The following TRIM37 variants were observed in gnomAD, a reference collection of about 807,000 sequenced individuals.
TRIM37 encodes E3 ubiquitin-protein ligase TRIM37.
TRIM37 carries 80 observed loss-of-function variants against 129.8 expected under a neutral mutation model. The observed-to-expected ratio is 0.62, with a 90% CI of 0.51 to 0.74. The LOEUF (loss-of-function observed/expected upper bound fraction) is 0.74, where lower values mean the gene tolerates loss of function less well. TRIM37 is among the 30% of genes least tolerant of loss of function. The probability of loss-of-function intolerance (pLI) is 0.00; values close to 1 mark genes in which losing one functional copy is unlikely to be tolerated. For synonymous variants in TRIM37, 389 were observed against 387.1 expected, an observed-to-expected ratio of 1.00 and a Z score of -0.06; for missense variants, 1,054 against 1,176.5, an observed-to-expected ratio of 0.90 and a Z score of 1.52.
intron 21 of TRIM37, among the ~76,000 whole-genome samples, chr17:59,013,813 C>T (rs1297749388): frequency 6.6e-6 from 1 of 152,058 alleles, no homozygotes; most frequent in African/African-American, 2.4e-5. Flanking sequence ...CAGGTGTGTG[C>T]CACTGTGCCC....
In TRIM37 at chr17:59,021,817, T is replaced by A. The variant is rs560109686; in HGVS notation, c.2258-4393A>T. Among the ~76,000 whole-genome samples, 9 of 152,128 alleles carry A rather than the reference T, an allele frequency of 5.9e-5. No homozygotes were observed. The East Asian group carries it at 1.7e-3, about 29-fold the overall frequency. ...GATAAATGCTTGAGATGATGGATAC[T>A]CCATTTACCCTGATGTGATTATTAT... On this transcript the variant is annotated intron_variant, in intron 19 of 23. Coordinates refer to ENST00000262294, the MANE Select transcript of TRIM37 (RefSeq NM_015294.6).
intron 4 of TRIM37, 104 bp downstream of exon 4, chr17:59,088,187 A>G (rs746303605): frequency 1.4e-6 from 1 of 734,166 alleles, no homozygotes; most frequent in Non-Finnish European, 2.5e-6. Flanking sequence ...GAAATATAAC[A>G]CTACTTATTC....
intron 2 of TRIM37, among the ~76,000 whole-genome samples, chr17:59,095,723 G>C (rs1020721185): frequency 6.6e-6 from 1 of 151,984 alleles, no homozygotes; most frequent in Non-Finnish European, 1.5e-5. Flanking sequence ...ACTTTCTGGG[G>C]TTGTTTTTGT....
chr17:58,980,567 CTTA>C (rs776250946), downstream of TRIM37: 138 of 1,614,180 alleles, frequency 8.5e-5, no homozygotes, highest in Non-Finnish European at 1.1e-4. This position sits in a 1 kb window ranked among gnomAD's most constrained non-coding sequence, Gnocchi z 4.7. Context: ...GAAAGCAAAT[CTTA>C]TTAATGAGTT....
chr17:59,017,234 A>T (rs1187964171), intron 20 of TRIM37, 62 bp downstream of exon 20: 7 of 1,590,710 alleles, frequency 4.4e-6, no homozygotes, highest in Non-Finnish European at 6.0e-6. Context: ...CCACGATAAC[A>T]TCAATTTCAG....
intron 22 of TRIM37, 21 bp downstream of exon 22, chr17:59,012,307 T>A: frequency 6.5e-7 from 1 of 1,532,538 alleles, no homozygotes. Context: ...CCTGCTTACT[T>A]ATAAGTTTAT....
intron 17 of TRIM37, 117 bp from the exon 18 acceptor site, chr17:59,032,207 T>A: frequency 2.6e-6 from 3 of 1,137,018 alleles, no homozygotes; most frequent in Non-Finnish European, 2.6e-6. Flanking sequence ...CTCTTAGGAG[T>A]TCAGGTTCAT....
chr17:59,068,092 T>C (rs1453358655), intron 9 of TRIM37, among the ~76,000 whole-genome samples: 2 of 152,158 alleles, frequency 1.3e-5, no homozygotes, highest in Non-Finnish European at 2.9e-5. Context: ...TTGCAACTAA[T>C]AAAACAGGTT....
At chr17:59,055,661 G>C (rs1368790352) in intron 13 of TRIM37, among the ~76,000 whole-genome samples, 1 of 147,988 alleles carries the variant, frequency 6.8e-6, no homozygotes, top group Non-Finnish European at 1.5e-5. Context: ...TGTCGCCTCT[G>C]GGCGACAGAG....
chr17:59,080,651 C>T (rs1375963110), intron 6 of TRIM37, among the ~76,000 whole-genome samples: 4 of 151,926 alleles, frequency 2.6e-5, no homozygotes, highest in Non-Finnish European at 5.9e-5. Context: ...ATTAGCTGGG[C>T]GTGGTGGTGG....
chr17:58,977,709 C>A (rs1259386206), downstream of TRIM37, among the ~76,000 whole-genome samples: 2 of 152,068 alleles, frequency 1.3e-5, no homozygotes, highest in African/African-American at 4.8e-5. Flanking sequence ...AGCTTTCTAG[C>A]CTATTTGAGG....
chr17:58,970,166 G>A, the TRIM37 span, among the ~76,000 whole-genome samples: 1 of 152,196 alleles, frequency 6.6e-6, no homozygotes, highest in Non-Finnish European at 1.5e-5. Context: ...GCAGTGTTTT[G>A]CTGTGTATCT....
intron 10 of TRIM37, 51 bp from the exon 11 acceptor site, chr17:59,062,699 T>C (rs182024655): frequency 4.0e-6 from 6 of 1,494,322 alleles, no homozygotes; most frequent in Non-Finnish European, 5.6e-6. Context: ...TGTTGTGAAA[T>C]GGCAACAGGC....
intron 24 of TRIM37, among the ~76,000 whole-genome samples, chr17:58,986,454 C>T (rs943484943): frequency 6.6e-6 from 1 of 150,852 alleles, no homozygotes; most frequent in African/African-American, 2.4e-5. Context: ...CCTCCCACCT[C>T]GGCCTCCCTA....
intron 19 of TRIM37, among the ~76,000 whole-genome samples, chr17:59,023,728 A>C (rs992057006): frequency 6.6e-6 from 1 of 152,154 alleles, no homozygotes; most frequent in Admixed American, 6.5e-5. Flanking sequence ...TGAGAAAAAA[A>C]CTAAAGGAAT....
intron 7 of TRIM37, among the ~76,000 whole-genome samples, chr17:59,078,409 T>G (rs942579796): frequency 2.0e-5 from 3 of 152,130 alleles, no homozygotes; most frequent in African/African-American, 7.2e-5. Flanking sequence ...ATTAATAAAC[T>G]TAAGAGATCT....
Position 59,081,157 on chromosome 17 carries a change from A to G in TRIM37, c.432T>C (p.Asn144=), listed in dbSNP as rs1470896066. 1 of 1,613,942 alleles carries G rather than the reference A, an allele frequency of 6.2e-7. No individual in the cohort carries two copies. Among genetic ancestry groups the G allele is most frequent in the Non-Finnish European group, 8.5e-7 (1 of 1,179,892 alleles). The change falls in exon 6 of 24, where the codon AAT becomes AAC. Residue 144 remains asparagine, a synonymous_variant. Transcript: ENST00000262294. The part of the protein sequence containing the change: ...EIYEQHVTKV[N]EEVAKLRRRL... ...GCCGACGAAGTTTGGCTACCTCTTC[A>G]TTCACTTTAGTGACGTGTTGCTCAT...
At chr17:59,071,564 C>T (rs1027821756) in intron 8 of TRIM37, among the ~76,000 whole-genome samples, 4 of 152,056 alleles carry the variant, frequency 2.6e-5, no homozygotes, top group Non-Finnish European at 4.4e-5. Flanking sequence ...GGATTACATG[C>T]GTGAGCCACC....
intron 22 of TRIM37, among the ~76,000 whole-genome samples, chr17:59,005,033 C>A (rs1225962167): frequency 6.6e-6 from 1 of 152,222 alleles, no homozygotes; most frequent in African/African-American, 2.4e-5. Context: ...GAGGCCAAAA[C>A]TAGCTAGTTC....
Sources: gnomAD v4.1 joint callset for allele counts (sites outside exome capture counted in the v4.1 genomes callset) on GRCh38, gnomAD v4.1.1 for gene constraint, Gnocchi (gnomAD v3.1) non-coding constraint, MANE v1.5 for transcripts, NCBI Gene and HGNC (gene_info 2026-07-23, HGNC 2026-07-21) for gene names.